The following BIRC6 variants were observed in gnomAD, a reference collection of about 807,000 sequenced individuals.
BIRC6 encodes baculoviral IAP repeat containing 6.
BIRC6 carries 98 observed loss-of-function variants against 503.3 expected under a neutral mutation model. That is an observed-to-expected ratio of 0.19 (90% confidence interval 0.17 to 0.23). BIRC6 has a LOEUF of 0.23. BIRC6 is among the 10% of genes least tolerant of loss of function. The pLI is 1.00. For missense variants in BIRC6, 5,360 were observed against 5,806.0 expected (o/e 0.92, Z 2.50); for synonymous variants, 2,240 against 2,078.7 (o/e 1.08, Z -2.11).
Position 32,430,889 on chromosome 2 carries a change from C to T in BIRC6, c.3047C>T (p.Pro1016Leu), listed in dbSNP as rs931550985. The change falls in exon 12 of 74, where the codon CCA (proline) becomes CTA (leucine). Residue 1016 changes from proline to leucine, a missense_variant. Coordinates refer to ENST00000421745, the MANE Select transcript of BIRC6 (RefSeq NM_016252.4). ...GGAGTTGATTTATTGGTGGACCAGC[C>T]ATTCACCCTTGAAATCTTGACATCC... ...ISGVDLLVDQPFTLEILTSLV... is the reference protein window; with the variant it reads ...ISGVDLLVDQLFTLEILTSLV... The T allele has an allele frequency of 5.0e-6, 8 of 1,610,718 alleles. No individual in the cohort carries two copies. The highest frequency in any genetic ancestry group is 5.9e-6 in the Non-Finnish European group (7 of 1,178,808).
At chr2:32,575,632 G>C (rs1044804585) in intron 66 of BIRC6, among the ~76,000 whole-genome samples, 8 of 152,060 alleles carry the variant, frequency 5.3e-5, no homozygotes, top group African/African-American at 1.9e-4. Flanking sequence ...AGGCATGGTG[G>C]CGGGCACCTG....
chr2:32,558,740 G>T (rs565695403), intron 65 of BIRC6: 2 of 152,242 alleles, frequency 1.3e-5, no homozygotes, highest in East Asian at 3.9e-4. Context: ...TTCACGGAGG[G>T]CTTGTGAACA....
intron 62 of BIRC6, among the ~76,000 whole-genome samples, chr2:32,544,782 A>G (rs917075499): frequency 1.3e-5 from 2 of 151,872 alleles, no homozygotes; most frequent in African/African-American, 4.8e-5. Flanking sequence ...ATGTTGGCAT[A>G]TAAGTGGGCC....
chr2:32,568,187 C>CTT (rs752609126), intron 65 of BIRC6, among the ~76,000 whole-genome samples: 2,258 of 139,180 alleles, frequency 0.016, 54 homozygotes, highest in African/African-American at 0.056. Flanking sequence ...TAAGTTTTAT[C>CTT]TTTTTTTTTT....
rs775712372 is a variant in BIRC6, at chr2:32,468,574, C to T, written c.5918C>T (p.Ala1973Val). The change falls in exon 29 of 74, where the codon GCT becomes GTT. Residue 1973 changes from alanine to valine, a missense_variant. Physicochemically the swap from Ala to Val is moderately conservative, Grantham distance 64. Transcript: ENST00000421745. ...AVEEDSRVFS[A>V]YQDCIQLQLQ... ...GAGGAAGACAGTAGGGTTTTTTCTG[C>T]TTATCAAGATTGTATTCAGCTACAG... 6 of 1,613,976 alleles carry T rather than the reference C, an allele frequency of 3.7e-6. No individual in the cohort carries two copies. The highest frequency in any genetic ancestry group is 1.7e-5 in the Admixed American group (1 of 60,016).
intron 66 of BIRC6, among the ~76,000 whole-genome samples, chr2:32,575,958 C>T (rs936802716): frequency 2.0e-5 from 3 of 152,148 alleles, no homozygotes; most frequent in Non-Finnish European, 4.4e-5. Context: ...ACCTGTTAGA[C>T]AAATAGATGC....
In BIRC6 at chr2:32,404,997, A is replaced by G. The variant is rs928113462; in HGVS notation, c.1419-1502A>G. The stretch of plus-strand genomic sequence containing the variant: ...TTTTTGAGAACTTTCAGAATAAAAC[A>G]TTCTTTGCTAATTTAAGGCTTTTAT... On this transcript the variant is annotated intron_variant, in intron 8 of 73. Coordinates refer to ENST00000421745, the MANE Select transcript of BIRC6 (RefSeq NM_016252.4). Among the ~76,000 whole-genome samples the G allele has an allele frequency of 3.5e-4, 54 of 152,152 alleles. 1 individual carries two copies. Among genetic ancestry groups the G allele is most frequent in the African/African-American group, 1.3e-3 (52 of 41,434 alleles).
chr2:32,475,469 T>C (rs751268181), intron 33 of BIRC6, among the ~76,000 whole-genome samples: 4 of 152,172 alleles, frequency 2.6e-5, no homozygotes, highest in African/African-American at 9.7e-5. Flanking sequence ...GATATACTTA[T>C]AAAAGGATAT....
chr2:32,560,492 A>G (rs1376084627), intron 65 of BIRC6, among the ~76,000 whole-genome samples: 1 of 152,224 alleles, frequency 6.6e-6, no homozygotes, highest in Admixed American at 6.5e-5. Context: ...GTTAAATAAG[A>G]GGGAATAGCA....
rs2045871703 is a variant in BIRC6, at chr2:32,445,657, A to G, written c.4473A>G (p.Leu1491=). 1 of 1,548,594 alleles carries G rather than the reference A, an allele frequency of 6.5e-7. No homozygotes were observed. The highest frequency in any genetic ancestry group is 8.7e-7 in the Non-Finnish European group (1 of 1,146,642). Residue 1491 remains leucine, a synonymous_variant, in exon 21 of 74, where the codon TTA becomes TTG. Transcript: ENST00000421745. ...LQDRLTPMEA[L]LQTRYGLYSS... Reference sequence around the variant, plus strand: ...ACAGGCTAACACCAATGGAGGCTTTACTTCAGACAAGGTATTTTAGTATAT... The same window carrying G: ...ACAGGCTAACACCAATGGAGGCTTTGCTTCAGACAAGGTATTTTAGTATAT...
Position 32,515,211 on chromosome 2 carries a change from A to G in BIRC6, c.10790A>G (p.Lys3597Arg), listed in dbSNP as rs1321233540. The G allele has an allele frequency of 3.1e-6, 5 of 1,613,962 alleles. No individual in the cohort carries two copies. In the East Asian group the frequency reaches 1.1e-4, roughly 36 times the overall value. The change falls in exon 55 of 74, where the codon AAA (lysine) becomes AGA (arginine). Residue 3597 changes from lysine (K) to arginine (R), a missense_variant. Around this residue, in one of 16 missense-constraint regions of BIRC6, gnomAD observed 878 missense variants for 928.9 expected, o/e 0.95. Coordinates refer to ENST00000421745, the MANE Select transcript of BIRC6 (RefSeq NM_016252.4). ...DLSSSLTDDS[K>R]NAQAPLALTE... ...AGTTCATCTTTAACAGATGACTCTA[A>G]AAATGCACAAGCACCTCTCGCATTA...
intron 10 of BIRC6, among the ~76,000 whole-genome samples, chr2:32,417,677 C>T (rs2042523034): frequency 6.6e-6 from 1 of 152,170 alleles, no homozygotes; most frequent in Non-Finnish European, 1.5e-5. Flanking sequence ...GACTGTTTTT[C>T]CTCTCTTTAA....
At chr2:32,470,062 G>A (rs970064529) in intron 30 of BIRC6, 106 bp from the exon 31 acceptor site, 35 of 1,006,216 alleles carry the variant, frequency 3.5e-5, no homozygotes, top group Non-Finnish European at 4.3e-5. Context: ...TTTTAAGAAA[G>A]CAAATATTCT....
At chr2:32,580,908 G>C (rs1049896281) in intron 66 of BIRC6, among the ~76,000 whole-genome samples, 8 of 152,128 alleles carry the variant, frequency 5.3e-5, no homozygotes, top group African/African-American at 1.2e-4. Flanking sequence ...GTTCATATTG[G>C]CAACTGCAGA....
intron 33 of BIRC6, among the ~76,000 whole-genome samples, chr2:32,475,431 G>C (rs1191833289): frequency 1.3e-5 from 2 of 152,092 alleles, no homozygotes; most frequent in African/African-American, 4.8e-5. Context: ...GTTTAGGGAT[G>C]GGGGAGATAG....
At position 32,618,379 on chromosome 2, in the gene BIRC6, C is replaced by T. The variant is rs1421645502; in HGVS notation, c.*475C>T. 6.6e-6 allele frequency: 1 copy of T among 152,188 alleles called. No homozygotes were observed. The highest frequency in any genetic ancestry group is 1.5e-5 in the Non-Finnish European group (1 of 68,104). The allele number at this position is 152,188 out of a possible 1,614,324, so 9.4% of individuals were successfully genotyped here. ...ATGCTCACATTTGATTTCTGAAGAC[C>T]TCCTACATACACTTCAATAAAAGTT... On this transcript the variant is annotated 3_prime_UTR_variant, in exon 74 of 74. Transcript: ENST00000421745.
chr2:32,377,111 T>G (rs552171797), intron 1 of BIRC6, among the ~76,000 whole-genome samples: 39 of 152,274 alleles, frequency 2.6e-4, no homozygotes, highest in African/African-American at 8.2e-4. Context: ...ACAGAAAAAT[T>G]GCAAGAATAG....
chr2:32,492,568 A>G (rs1218608362), intron 44 of BIRC6, among the ~76,000 whole-genome samples: 2 of 152,108 alleles, frequency 1.3e-5, no homozygotes, highest in African/African-American at 4.8e-5. Flanking sequence ...TTTACATGTA[A>G]GAAAACATGC....
chr2:32,381,899 G>C (rs1216393434), intron 3 of BIRC6, among the ~76,000 whole-genome samples: 1 of 151,988 alleles, frequency 6.6e-6, no homozygotes, highest in African/African-American at 2.4e-5. Flanking sequence ...TATCCTCAGA[G>C]ATCATCTATG....
Sources: gnomAD v4.1 joint callset for allele counts (sites outside exome capture counted in the v4.1 genomes callset) on GRCh38, gnomAD v4.1.1 for gene constraint, gnomAD v4.1.1 regional missense constraint, MANE v1.5 for transcripts, NCBI Gene and HGNC (gene_info 2026-07-23, HGNC 2026-07-21) for gene names.